Variants in KCNK6 observed in about 807,000 individuals in gnomAD.
KCNK6 encodes the protein potassium two pore domain channel subfamily K member 6.
Under a neutral mutation model 21.9 loss-of-function variants are expected in KCNK6, and 20 were observed. The ratio of observed to expected loss-of-function variants is 0.91; its 90% CI spans 0.64 to 1.32. The LOEUF is 1.32. Ranked by LOEUF, KCNK6 falls within the 40% of genes most tolerant of loss-of-function variation. The pLI is 0.00. For synonymous variants in KCNK6, 210 were observed against 218.0 expected (o/e 0.96, Z 0.32); for missense variants, 415 against 433.1 (o/e 0.96, Z 0.37).
At chr19:38,325,630 T>C in intron 1 of KCNK6, 3 of 775,530 alleles carry the variant, frequency 3.9e-6, no homozygotes, top group East Asian at 1.3e-4. Flanking sequence ...AAAAAAAGTG[T>C]TGGGTAAGAG....
At chr19:38,324,577 A>G (rs35478630) in intron 1 of KCNK6, among the ~76,000 whole-genome samples, 24,172 of 152,072 alleles carry the variant, frequency 0.16, 2,642 homozygotes, top group Non-Finnish European at 0.24. Context: ...GGAGACTGGC[A>G]TCCCTCGCTC....
chr19:38,324,094 T>C (rs1368288753), intron 1 of KCNK6, among the ~76,000 whole-genome samples: 2 of 152,126 alleles, frequency 1.3e-5, no homozygotes, highest in African/African-American at 2.4e-5. Context: ...TCTCTTTTAT[T>C]ATTATTATTT....
chr19:38,326,617 C>T lies in KCNK6; in HGVS notation c.347C>T (p.Thr116Ile), dbSNP rs750658953. The T allele has an allele frequency of 3.7e-6, 6 of 1,611,180 alleles. No homozygotes were observed. Among genetic ancestry groups the T allele is most frequent in the East Asian group, 2.2e-5 (1 of 44,868 alleles). Residue 116 changes from threonine (T) to isoleucine (I), a missense_variant, in exon 2 of 3, where the codon ACT (threonine) becomes ATT (isoleucine). Coordinates refer to ENST00000263372, the MANE Select transcript of KCNK6 (RefSeq NM_004823.3). ...TVGYGYTTPL[T>I]DAGKAFSIAF... Reference sequence around the variant, plus strand: ...GGCTATGGGTACACAACGCCACTGACTGATGCGGGCAAGGCCTTCTCCATC... The same window carrying T: ...GGCTATGGGTACACAACGCCACTGATTGATGCGGGCAAGGCCTTCTCCATC...
Position 38,327,400 on chromosome 19 carries a change from G to A in KCNK6, c.939G>A (p.Arg313=), listed in dbSNP as rs1260596899. 1 of 1,606,866 alleles carries A rather than the reference G, an allele frequency of 6.2e-7. No individual in the cohort carries two copies. The highest frequency in any genetic ancestry group is 2.2e-5 in the East Asian group (1 of 44,868). Residue 313 remains arginine, a synonymous_variant, in exon 3 of 3, where the codon AGG becomes AGA. Coordinates refer to ENST00000263372, the MANE Select transcript of KCNK6 (RefSeq NM_004823.3). ...ACACCGACTACGCTTCCATCCCCAG[G>A]TAGCTGGGGCAGCCTCTGCCAGGCT... ...SSHTDYASIP[R]
At chr19:38,326,055 T>C (rs1399515048) in intron 1 of KCNK6, among the ~76,000 whole-genome samples, 1 of 151,776 alleles carries the variant, frequency 6.6e-6, no homozygotes, top group Non-Finnish European at 1.5e-5. Flanking sequence ...GTTGAGATAA[T>C]AGGCTTCACT....
Position 38,328,901 on chromosome 19 carries a change from G to GAAA in KCNK6, c.*1498_*1499insAAA. The GAAA allele has an allele frequency of 9.6e-6, 1 of 104,148 alleles. No individual in the cohort carries two copies. The highest frequency in any genetic ancestry group is 2.2e-5 in the Non-Finnish European group (1 of 45,280). 6.5% of individuals were successfully genotyped at this position (104,148 alleles called of 1,614,324 possible). On this transcript the variant is annotated 3_prime_UTR_variant, in exon 3 of 3. Transcript: ENST00000263372. ...GAGAGAAAGAAAGAAAGAAAGAAAG[G>GAAA]GAAAGATGGAAGGAAGGAAGGAAAA...
intron 1 of KCNK6, chr19:38,325,505 A>T: frequency 2.0e-6 from 2 of 985,432 alleles, no homozygotes; most frequent in Non-Finnish European, 2.4e-6. Context: ...AGAAGTACTG[A>T]TCGAGCGCCC....
rs1428081139 is a variant in KCNK6 at position 38,319,985 on chromosome 19, C to G, written c.35C>G (p.Ala12Gly). Reference protein sequence around the residue: ...RRGALLAGALAAYAAYLVLGA... With the variant: ...RRGALLAGALGAYAAYLVLGA... ...GGCGCGCTTCTGGCGGGCGCCTTGG[C>G]CGCGTACGCCGCGTACCTGGTGCTG... Residue 12 changes from alanine (A) to glycine (G), a missense_variant, in exon 1 of 3, where the codon GCC becomes GGC. Physicochemically the swap from Ala to Gly is moderately conservative, Grantham distance 60. Transcript: ENST00000263372. The G allele has an allele frequency of 1.4e-6, 2 of 1,472,382 alleles. No individual in the cohort carries two copies. Among genetic ancestry groups the G allele is most frequent in the Non-Finnish European group, 8.9e-7 (1 of 1,122,246 alleles). 91.2% of individuals were successfully genotyped at this position (1,472,382 alleles called of 1,614,324 possible).
At chr19:38,322,035 A>G (rs1373809185) in intron 1 of KCNK6, among the ~76,000 whole-genome samples, 1 of 152,238 alleles carries the variant, frequency 6.6e-6, no homozygotes, top group Non-Finnish European at 1.5e-5. Flanking sequence ...TTGCCAATGC[A>G]TGCTTTAACT....
In KCNK6 at chr19:38,326,937, G is replaced by A. The variant is rs35331715; in HGVS notation, c.667G>A (p.Gly223Arg). ...CATCGGCCTGGGCGACTACGTGCCC[G>A]GGGAGGCCCCTGGCCAGCCCTACCG... ...STIGLGDYVP[G>R]EAPGQPYRAL... Residue 223 changes from glycine to arginine, a missense_variant, in exon 2 of 3, where the codon GGG (glycine) becomes AGG (arginine). Physicochemically the swap from Gly to Arg is moderately radical, Grantham distance 125. Transcript: ENST00000263372. The A allele has an allele frequency of 5.5e-4, 888 of 1,608,804 alleles. 8 individuals carry two copies. In the South Asian group the frequency reaches 7.5e-3, roughly 14 times the overall value.
In KCNK6 at chr19:38,328,984, GAAAA is replaced by G. The variant is rs1417013725; in HGVS notation, c.*1583_*1586del. 1 of 150,850 alleles carries G rather than the reference GAAAA, an allele frequency of 6.6e-6. No homozygotes were observed. The highest frequency in any genetic ancestry group is 1.5e-5 in the Non-Finnish European group (1 of 67,774). The allele number at this position is 150,850 out of a possible 1,614,324, so 9.3% of individuals were successfully genotyped here. A position where few individuals can be genotyped will look rare whatever the true frequency, so the allele number is the denominator to read the frequency against. On this transcript the variant is annotated 3_prime_UTR_variant, in exon 3 of 3. Coordinates refer to ENST00000263372, the MANE Select transcript of KCNK6 (RefSeq NM_004823.3). ...AGAAAGAAAAGTAAGAAAGAAAAAA[GAAAA>G]AGAAAGAAAAGTAAGAAAGAAAAAA...
chr19:38,324,226 A>C (rs889876296), intron 1 of KCNK6, among the ~76,000 whole-genome samples: 5 of 152,096 alleles, frequency 3.3e-5, no homozygotes, highest in Admixed American at 3.3e-4. Context: ...CACCTCACCC[A>C]GCCTGTTTAT....
chr19:38,329,886 A>T lies in KCNK6; in HGVS notation c.*2483A>T, dbSNP rs979169905. 2.6e-5 allele frequency: 4 copies of T among 152,466 alleles called. No homozygotes were observed. The highest frequency in any genetic ancestry group is 5.9e-5 in the Non-Finnish European group (4 of 68,256). The allele number at this position is 152,466 out of a possible 1,614,324, so 9.4% of individuals were successfully genotyped here. ...CTCAGGAGCCAAGTGGACAGGCCAT[A>T]GCCCCCACAGACTGGAGGGACGCGG... is the stretch of plus-strand genomic sequence containing the variant. On this transcript the variant is annotated 3_prime_UTR_variant, in exon 3 of 3. Coordinates refer to ENST00000263372, the MANE Select transcript of KCNK6 (RefSeq NM_004823.3).
At position 38,331,272 on chromosome 19, in the gene KCNK6, G is replaced by C. The variant is rs146638525; in HGVS notation, c.*3869G>C. On this transcript the variant is annotated 3_prime_UTR_variant, in exon 3 of 3. Transcript: ENST00000263372. ...TTGAGCCTAGGAGGTTGAGGCTGCA[G>C]TGAGCCATGATCACACTACTGGACT... 389 of 152,574 alleles carry C rather than the reference G, an allele frequency of 2.5e-3. 10 individuals carry two copies. The East Asian group carries it at 0.049, about 19-fold the overall frequency. 9.5% of individuals were successfully genotyped at this position (152,574 alleles called of 1,614,324 possible). A position where few individuals can be genotyped will look rare whatever the true frequency, so the allele number is the denominator to read the frequency against.
Position 38,319,856 on chromosome 19 carries a change from AGC to A in KCNK6, c.-94_-93del, listed in dbSNP as rs1222355637. 1.7e-6 allele frequency: 2 copies of A among 1,207,292 alleles called. No homozygotes were observed. The highest frequency in any genetic ancestry group is 2.1e-6 in the Non-Finnish European group (2 of 933,260). The allele number at this position is 1,207,292 out of a possible 1,614,324, so 74.8% of individuals were successfully genotyped here. A position where few individuals can be genotyped will look rare whatever the true frequency, so the allele number is the denominator to read the frequency against. On this transcript the variant is annotated 5_prime_UTR_variant, in exon 1 of 3. Coordinates refer to ENST00000263372, the MANE Select transcript of KCNK6 (RefSeq NM_004823.3). ...TTGGGGCATCTGCTGCCGCGCCTGT[AGC>A]ACTCCCGGAACTGGAACTAGGTGCC...
At chr19:38,320,544 G>T (rs546612060) in intron 1 of KCNK6, among the ~76,000 whole-genome samples, 2 of 147,958 alleles carry the variant, frequency 1.4e-5, no homozygotes, top group South Asian at 4.2e-4. Flanking sequence ...CCGTTCCTCG[G>T]TCTTTTTTTT....
rs1043683794 is a variant in KCNK6, at chr19:38,329,203, A to T, written c.*1800A>T. 4 of 150,906 alleles carry T rather than the reference A, an allele frequency of 2.7e-5. No individual in the cohort carries two copies. The highest frequency in any genetic ancestry group is 5.9e-5 in the Non-Finnish European group (4 of 67,926). 9.3% of individuals were successfully genotyped at this position (150,906 alleles called of 1,614,324 possible). ...AGCCGAGATCGCGCCACTGCATCCA[A>T]CCTGGGTGACAGCAAGACTCCGTCT... On this transcript the variant is annotated 3_prime_UTR_variant, in exon 3 of 3. Transcript: ENST00000263372.
At chr19:38,325,023 A>G (rs1420629677) in intron 1 of KCNK6, 4 of 148,520 alleles carry the variant, frequency 2.7e-5, no homozygotes, top group South Asian at 4.2e-4. Context: ...CATCACCTTC[A>G]TCTTTTTTTT....
rs57498193 is a variant in KCNK6 at position 38,330,628 on chromosome 19, CAA to C, written c.*3237_*3238del. The C allele has an allele frequency of 5.7e-3, 600 of 105,034 alleles. 7 individuals carry two copies. Among genetic ancestry groups the C allele is most frequent in the African/African-American group, 0.019 (548 of 28,566 alleles). 6.5% of individuals were successfully genotyped at this position (105,034 alleles called of 1,614,324 possible). On this transcript the variant is annotated 3_prime_UTR_variant, in exon 3 of 3. Transcript: ENST00000263372. ...TGGGTGACAGAGCAAGACCCTGTCT[CAA>C]AAAAAAAAAAAGAAAAGAAAAAGAA...
Sources: gnomAD v4.1 joint callset for allele counts (sites outside exome capture counted in the v4.1 genomes callset) on GRCh38, gnomAD v4.1.1 for gene constraint, MANE v1.5 for transcripts, NCBI Gene and HGNC (gene_info 2026-07-23, HGNC 2026-07-21) for gene names.